STAM: variants seen among roughly 807,000 people sequenced by gnomAD.
STAM encodes the protein signal transducing adaptor molecule.
Under a neutral mutation model 63.4 loss-of-function variants are expected in STAM, and 16 were observed. The ratio of observed to expected loss-of-function variants is 0.25; its 90% CI spans 0.17 to 0.38. The LOEUF is 0.38. Ranked by LOEUF, STAM falls within the 10% of genes least tolerant of loss-of-function variation. The pLI, the probability that STAM is intolerant of heterozygous loss-of-function variation, is 1.00. For synonymous variants in STAM, 238 were observed against 223.9 expected, an observed-to-expected ratio of 1.06 and a Z score of -0.56; for missense variants, 636 against 657.1, an observed-to-expected ratio of 0.97 and a Z score of 0.35.
chr10:17,700,569 T>C (rs1347930754), intron 9 of STAM, among the ~76,000 whole-genome samples: 1 of 150,062 alleles, frequency 6.7e-6, no homozygotes, highest in Non-Finnish European at 1.5e-5. Context: ...TTTACAGTTT[T>C]TACAGTGTAG....
chr10:17,713,689 C>T (rs1554830317), intron 13 of STAM, among the ~76,000 whole-genome samples: 2 of 152,090 alleles, frequency 1.3e-5, no homozygotes, highest in African/African-American at 4.8e-5. Context: ...GACCCTTTCT[C>T]CCATCTCCAC....
chr10:17,644,568 A>T (rs1302160484), intron 1 of STAM, among the ~76,000 whole-genome samples, 189 bp downstream of exon 1: 2 of 151,962 alleles, frequency 1.3e-5, no homozygotes, highest in African/African-American at 4.8e-5. Context: ...AAGAAATGGG[A>T]CTCATCCTGT....
chr10:17,687,996 G>A (rs782156905), intron 4 of STAM, 31 bp from the exon 5 acceptor site: 1 of 1,520,300 alleles, frequency 6.6e-7, no homozygotes, highest in African/African-American at 1.4e-5. Flanking sequence ...TAGGAAATTG[G>A]TGCTCTTTTA....
chr10:17,655,888 G>C (rs1209430702), intron 1 of STAM, among the ~76,000 whole-genome samples: 1 of 152,092 alleles, frequency 6.6e-6, no homozygotes, highest in African/African-American at 2.4e-5. Flanking sequence ...CTCTGCTTCT[G>C]TACAGCTGTT....
At chr10:17,689,505 TA>T (rs879963081) in intron 5 of STAM, among the ~76,000 whole-genome samples, 3 of 152,200 alleles carry the variant, frequency 2.0e-5, no homozygotes, top group African/African-American at 2.4e-5. Flanking sequence ...AAAATTTTCT[TA>T]AAAAAATTAT....
At chr10:17,714,441 A>G (rs1488636020) in intron 13 of STAM, 102 bp from the exon 14 acceptor site, 6 of 1,104,474 alleles carry the variant, frequency 5.4e-6, no homozygotes, top group Non-Finnish European at 8.2e-6. Flanking sequence ...TATTAAATGA[A>G]TTGACTATAT....
chr10:17,651,323 G>A (rs1314870697), intron 1 of STAM, among the ~76,000 whole-genome samples: 1 of 152,146 alleles, frequency 6.6e-6, no homozygotes, highest in Non-Finnish European at 1.5e-5. Context: ...AGGAGATGAT[G>A]CATGTAAAGC....
intron 6 of STAM, among the ~76,000 whole-genome samples, chr10:17,694,621 C>T (rs1276899506): frequency 2.6e-5 from 4 of 151,978 alleles, no homozygotes; most frequent in Non-Finnish European, 4.4e-5. Flanking sequence ...AATAAAATCT[C>T]GATTCTCCAA....
chr10:17,681,394 T>A (rs902270719), intron 2 of STAM, among the ~76,000 whole-genome samples: 1 of 152,120 alleles, frequency 6.6e-6, no homozygotes, highest in Non-Finnish European at 1.5e-5. Context: ...TTTAATTTTC[T>A]ATATTTCTTT....
Position 17,705,679 on chromosome 10 carries a change from A to C in STAM, c.1147A>C (p.Met383Leu), listed in dbSNP as rs200190968. ...KLMNEDPMYS[M>L]YAKLQNQPYY... The stretch of plus-strand genomic sequence containing the variant: ...AATGAACGAAGATCCGATGTATTCC[A>C]TGTATGCAAAGTTACAGAATCAGCC... The change falls in exon 12 of 14, where the codon ATG (methionine) becomes CTG (leucine). Residue 383 changes from methionine to leucine, a missense_variant. Met to Leu is a conservative substitution (Grantham distance 15). Coordinates refer to ENST00000377524, the MANE Select transcript of STAM (RefSeq NM_003473.4). 4.3e-6 allele frequency: 7 copies of C among 1,614,038 alleles called. No homozygotes were observed. The highest frequency in any genetic ancestry group is 3.3e-5 in the South Asian group (3 of 91,052).
intron 9 of STAM, among the ~76,000 whole-genome samples, chr10:17,701,725 CCCCTCCTCT>C (rs1327456764): frequency 6.6e-6 from 1 of 152,082 alleles, no homozygotes; most frequent in Admixed American, 6.5e-5. Flanking sequence ...CGTTTTTACC[CCCCTCCTCT>C]CCCTTTTCAA....
At chr10:17,659,465 T>A (rs1554822586) in intron 1 of STAM, among the ~76,000 whole-genome samples, 1 of 140,720 alleles carries the variant, frequency 7.1e-6, no homozygotes, top group African/African-American at 2.7e-5. Context: ...CTCTTCCTCT[T>A]TTTTTTTTTT....
Position 17,715,202 on chromosome 10 carries a change from T to A in STAM, c.*422T>A, listed in dbSNP as rs1836763188. 1 of 170,474 alleles carries A rather than the reference T, an allele frequency of 5.9e-6. No homozygotes were observed. Among genetic ancestry groups the A allele is most frequent in the African/African-American group, 2.4e-5 (1 of 42,102 alleles). 10.6% of individuals were successfully genotyped at this position (170,474 alleles called of 1,614,324 possible). A position where few individuals can be genotyped will look rare whatever the true frequency, so the allele number is the denominator to read the frequency against. On this transcript the variant is annotated 3_prime_UTR_variant, in exon 14 of 14. Coordinates refer to ENST00000377524, the MANE Select transcript of STAM (RefSeq NM_003473.4). ...ACTGTGTTAAATTAATTTACGTTGC[T>A]ATTTTATTTTAATCATAAACAACTA...
chr10:17,685,993 T>A lies in STAM; in HGVS notation c.297+1066T>A, dbSNP rs139089296. Among the ~76,000 whole-genome samples the A allele has an allele frequency of 1.2e-4, 18 of 152,318 alleles. No homozygotes were observed. In the East Asian group the frequency reaches 3.3e-3, roughly 28 times the overall value. ...TAAAAGGGAAAATGCCTCATGTTTTTGGGAAAAATGAATAGTTCCAGGTTA... is the reference window on the plus strand; with the variant it reads ...TAAAAGGGAAAATGCCTCATGTTTTAGGGAAAAATGAATAGTTCCAGGTTA... On this transcript the variant is annotated intron_variant, in intron 4 of 13. Coordinates refer to ENST00000377524, the MANE Select transcript of STAM (RefSeq NM_003473.4).
chr10:17,672,972 A>G, intron 2 of STAM: 1 of 956,024 alleles, frequency 1.0e-6, no homozygotes. Flanking sequence ...TTCCCATCTC[A>G]AGATAAGGAA....
At chr10:17,680,558 A>G (rs1423854337) in intron 2 of STAM, among the ~76,000 whole-genome samples, 4 of 151,922 alleles carry the variant, frequency 2.6e-5, no homozygotes, top group African/African-American at 4.8e-5. Context: ...AGTGTGTGCC[A>G]TCATGCCTAG....
In STAM at chr10:17,715,040, A is replaced by C. The variant is rs138633924; in HGVS notation, c.*260A>C. On this transcript the variant is annotated 3_prime_UTR_variant, in exon 14 of 14. Coordinates refer to ENST00000377524, the MANE Select transcript of STAM (RefSeq NM_003473.4). ...AATATGAAAGAATTGATACAAGGCT[A>C]TTTGTCTCGTAAACCTGGTCTGCAG... 1 of 457,098 alleles carries C rather than the reference A, an allele frequency of 2.2e-6. No individual in the cohort carries two copies. Among genetic ancestry groups the C allele is most frequent in the South Asian group, 2.4e-5 (1 of 42,476 alleles). 28.3% of individuals were successfully genotyped at this position (457,098 alleles called of 1,614,324 possible).
chr10:17,690,057 A>T (rs1430478821), intron 5 of STAM, among the ~76,000 whole-genome samples: 1 of 152,248 alleles, frequency 6.6e-6, no homozygotes. Flanking sequence ...AAACAGTTTT[A>T]GGGAGCCTCT....
Position 17,715,912 on chromosome 10 carries a change from C to G in STAM, c.*1132C>G, listed in dbSNP as rs570735315. The G allele has an allele frequency of 6.6e-6, 1 of 152,568 alleles. No homozygotes were observed. Among genetic ancestry groups the G allele is most frequent in the Admixed American group, 6.5e-5 (1 of 15,274 alleles). 9.5% of individuals were successfully genotyped at this position (152,568 alleles called of 1,614,324 possible). A position where few individuals can be genotyped will look rare whatever the true frequency, so the allele number is the denominator to read the frequency against. ...AAATAAGTAGATGTTTCAAAGTAAT[C>G]TACATTCCTGGCTTTGCTTAACGTT... On this transcript the variant is annotated 3_prime_UTR_variant, in exon 14 of 14. Transcript: ENST00000377524.
Sources: gnomAD v4.1 joint callset for allele counts (sites outside exome capture counted in the v4.1 genomes callset) on GRCh38, gnomAD v4.1.1 for gene constraint, MANE v1.5 for transcripts, NCBI Gene and HGNC (gene_info 2026-07-23, HGNC 2026-07-21) for gene names.